Variants in LDB2 observed in about 807,000 individuals in gnomAD.
LDB2 encodes LIM domain-binding protein 2.
LDB2 carries 12 observed loss-of-function variants against 44.3 expected under a neutral mutation model. The ratio of observed to expected loss-of-function variants is 0.27; its 90% CI spans 0.17 to 0.44. The LOEUF (loss-of-function observed/expected upper bound fraction) is 0.44, where lower values mean the gene tolerates loss of function less well. LDB2 is among the 20% of genes least tolerant of loss of function. LDB2 has a pLI of 1.00. For missense variants in LDB2, 344 were observed against 473.5 expected (o/e 0.73, Z 2.54); for synonymous variants, 164 against 174.8 (o/e 0.94, Z 0.49).
At chr4:16,882,005 A>G (rs1468703558) in intron 1 of LDB2, among the ~76,000 whole-genome samples, 1 of 152,246 alleles carries the variant, frequency 6.6e-6, no homozygotes, top group Non-Finnish European at 1.5e-5. Context: ...TTTCCCACAT[A>G]GCACAAGCAA....
chr4:16,875,023 A>C (rs1396266443), intron 1 of LDB2, among the ~76,000 whole-genome samples: 2 of 152,222 alleles, frequency 1.3e-5, no homozygotes, highest in Non-Finnish European at 2.9e-5. Context: ...AGCCATAGAC[A>C]TGTATGTTAT....
chr4:16,692,221 T>C (rs147050385), intron 2 of LDB2, among the ~76,000 whole-genome samples: 121 of 152,318 alleles, frequency 7.9e-4, no homozygotes, highest in East Asian at 5.2e-3. Context: ...TTATGAGTTA[T>C]ACATCAGAAT....
intron 1 of LDB2, among the ~76,000 whole-genome samples, chr4:16,862,956 C>T (rs150080721): frequency 3.3e-5 from 5 of 152,102 alleles, no homozygotes; most frequent in Non-Finnish European, 5.9e-5. Flanking sequence ...GAGCGTCCAG[C>T]GAGTCAGAGT....
intron 2 of LDB2, among the ~76,000 whole-genome samples, chr4:16,713,060 C>T (rs1176726069): frequency 2.0e-5 from 3 of 152,142 alleles, no homozygotes; most frequent in Non-Finnish European, 2.9e-5. Context: ...ACAACATGGA[C>T]GAACCTCAAA....
intron 2 of LDB2, among the ~76,000 whole-genome samples, chr4:16,609,958 G>A (rs765779815): frequency 6.6e-6 from 1 of 152,124 alleles, no homozygotes; most frequent in Admixed American, 6.5e-5. Context: ...ATGGCATCAG[G>A]TTGGTGTCCC....
chr4:16,842,073 TAA>T (rs1785999269), intron 1 of LDB2, among the ~76,000 whole-genome samples: 1 of 152,332 alleles, frequency 6.6e-6, no homozygotes, highest in Admixed American at 6.5e-5. Context: ...GAGCACATTT[TAA>T]AGTTATCATC....
chr4:16,664,686 A>T (rs1205529449), intron 2 of LDB2, among the ~76,000 whole-genome samples: 1 of 152,226 alleles, frequency 6.6e-6, no homozygotes, highest in Admixed American at 6.5e-5. Flanking sequence ...CCTGGGGGAC[A>T]AGCCTTCCCA....
At chr4:16,511,756 G>A (rs562978978) in intron 6 of LDB2, among the ~76,000 whole-genome samples, 141 of 152,282 alleles carry the variant, frequency 9.3e-4, no homozygotes, top group Non-Finnish European at 1.7e-3. Flanking sequence ...ACCTCTCTGA[G>A]TTGCAGGTCC....
chr4:16,621,597 G>A (rs1728895442), intron 2 of LDB2, among the ~76,000 whole-genome samples: 1 of 151,876 alleles, frequency 6.6e-6, no homozygotes, highest in African/African-American at 2.4e-5. Flanking sequence ...CTGTTACCCT[G>A]ACGAGAATGC....
chr4:16,537,582 T>C (rs989576368), intron 5 of LDB2, among the ~76,000 whole-genome samples: 2 of 152,216 alleles, frequency 1.3e-5, no homozygotes, highest in Non-Finnish European at 2.9e-5. Flanking sequence ...TTGCCTATCT[T>C]CTACAGTTAT....
chr4:16,656,667 T>C (rs1172388768), intron 2 of LDB2, among the ~76,000 whole-genome samples: 1 of 152,264 alleles, frequency 6.6e-6, no homozygotes, highest in African/African-American at 2.4e-5. Context: ...GCAGTGAGTG[T>C]GTTGAATACA....
At position 16,751,510 on chromosome 4, in the gene LDB2, T is replaced by A. The variant is rs182756113; in HGVS notation, c.235+7648A>T. Among the ~76,000 whole-genome samples the A allele has an allele frequency of 3.5e-4, 54 of 152,322 alleles. 1 individual carries two copies. The highest frequency in any genetic ancestry group is 6.8e-3 in the Middle Eastern group (2 of 294). ...AACCACAAATGGGAAGAGATGGGTCTCCTTTTTCTCTTTCAGAAATCTGTC... is the reference window on the plus strand; with the variant it reads ...AACCACAAATGGGAAGAGATGGGTCACCTTTTTCTCTTTCAGAAATCTGTC... On this transcript the variant is annotated intron_variant, in intron 2 of 7. Transcript: ENST00000304523.
chr4:16,708,085 A>G (rs1159330484), intron 2 of LDB2, among the ~76,000 whole-genome samples: 1 of 152,154 alleles, frequency 6.6e-6, no homozygotes, highest in Non-Finnish European at 1.5e-5. Flanking sequence ...CATTCTTTTA[A>G]CAGTGGCTCA....
chr4:16,748,854 T>G (rs1764887845), intron 2 of LDB2, among the ~76,000 whole-genome samples: 2 of 152,184 alleles, frequency 1.3e-5, no homozygotes, highest in African/African-American at 4.8e-5. Flanking sequence ...AACAGATTTA[T>G]AAACAGAGGC....
chr4:16,681,336 G>C (rs886676156), intron 2 of LDB2, among the ~76,000 whole-genome samples: 7 of 152,144 alleles, frequency 4.6e-5, no homozygotes, highest in African/African-American at 1.2e-4. Context: ...ATAACCATAG[G>C]AAATTGAATT....
intron 2 of LDB2, among the ~76,000 whole-genome samples, chr4:16,704,666 A>G (rs1754206753): frequency 6.6e-6 from 1 of 152,228 alleles, no homozygotes; most frequent in Non-Finnish European, 1.5e-5. Flanking sequence ...GTCTGTTTTC[A>G]AGGCCTATGA....
chr4:16,634,238 G>T (rs1309701936), intron 2 of LDB2, among the ~76,000 whole-genome samples: 6 of 144,926 alleles, frequency 4.1e-5, no homozygotes, highest in Non-Finnish European at 9.0e-5. Context: ...AAAAGCAATG[G>T]CAACAAAAGC....
intron 5 of LDB2, among the ~76,000 whole-genome samples, chr4:16,534,361 C>T (rs901366848): frequency 3.3e-5 from 5 of 152,124 alleles, no homozygotes; most frequent in Admixed American, 2.6e-4. Context: ...GTTTTAGAAA[C>T]GAACTTTTAC....
Position 16,763,324 on chromosome 4 carries a change from G to A in LDB2, c.133-4064C>T, listed in dbSNP as rs530699227. On this transcript the variant is annotated intron_variant, in intron 1 of 7. Transcript: ENST00000304523. ...GGGAAATCACTTTACAAAGTTGTCC[G>A]GAGAACTTGATTGTGGACCCTACTT... Among the ~76,000 whole-genome samples the A allele has an allele frequency of 2.6e-4, 39 of 152,100 alleles. 1 individual carries two copies. The South Asian group carries it at 3.1e-3, about 12-fold the overall frequency.
Sources: allele counts gnomAD v4.1 joint callset (sites outside exome capture counted in the v4.1 genomes callset), GRCh38; gene constraint gnomAD v4.1.1; transcripts MANE v1.5; gene names NCBI Gene and HGNC (gene_info 2026-07-23, HGNC 2026-07-21).